QARS1: variants seen among roughly 807,000 people sequenced by gnomAD.
QARS1 encodes glutaminyl-tRNA synthetase 1.
A neutral mutation model predicts 106.9 loss-of-function variants in QARS1; 79 were observed. The ratio of observed to expected loss-of-function variants is 0.74; its 90% confidence interval spans 0.62 to 0.89. QARS1 has a LOEUF of 0.89. Ranked by LOEUF, QARS1 falls within the 40% of genes least tolerant of loss-of-function variation. The pLI, the probability that QARS1 is intolerant of heterozygous loss-of-function variation, is 0.00. For synonymous variants in QARS1, 395 were observed against 367.7 expected (o/e 1.07, Z -0.85); for missense variants, 966 against 997.2 (o/e 0.97, Z 0.42).
chr3:49,103,546 C>T (rs1230168458), intron 4 of QARS1, 85 bp downstream of exon 4: 18 of 1,562,366 alleles, frequency 1.2e-5, no homozygotes, highest in Non-Finnish European at 1.6e-5. Context: ...ACTCCTGTTC[C>T]TTCCCCCACC....
In QARS1 at chr3:49,099,451, G is replaced by A; in HGVS notation, c.1527-20C>T. ...CAGTCCCTGTGGATAAGAAGGTGGT[G>A]AGAAGGCCTTTGGGAGCATATGCCA... On this transcript the variant is annotated intron_variant, in intron 16 of 23. Transcript: ENST00000306125. The A allele has an allele frequency of 6.2e-7, 1 of 1,614,178 alleles. No homozygotes were observed.
rs1478157718 is a variant in QARS1 at position 49,104,334 on chromosome 3, G to A, written c.255C>T (p.Pro85=). Residue 85 remains proline (P), a synonymous_variant, in exon 2 of 24, where the codon CCC becomes CCT. Transcript: ENST00000306125. ...YIASKKIHTE[P]QLSAALEYVR... is the part of the protein sequence containing the mutation. ...AGGTAGGGGTCTCACCGCTTAGCTG[G>A]GGCTCAGTGTGGATCTTCTTACTGG... 4.3e-6 allele frequency: 7 copies of A among 1,614,056 alleles called. No homozygotes were observed. The highest frequency in any genetic ancestry group is 1.3e-5 in the African/African-American group (1 of 74,954).
rs769692069 is a variant in QARS1, at chr3:49,099,096, T to A, written c.1758+14A>T. On this transcript the variant is annotated intron_variant, in intron 18 of 23. Transcript: ENST00000306125. The stretch of plus-strand genomic sequence containing the variant: ...ACACACACACATGTGACACACATGT[T>A]GAGGCAGGCCCACCTTGGCAGCAGG... 3.1e-6 allele frequency: 5 copies of A among 1,614,022 alleles called. No homozygotes were observed. The highest frequency in any genetic ancestry group is 4.2e-6 in the Non-Finnish European group (5 of 1,180,014).
In QARS1 at chr3:49,099,641, A is replaced by G; in HGVS notation, c.1395T>C (p.Ser465=). 6.2e-7 allele frequency: 1 copy of G among 1,614,152 alleles called. No homozygotes were observed. Among genetic ancestry groups the G allele is most frequent in the South Asian group, 1.1e-5 (1 of 91,086 alleles). The change falls in exon 16 of 24, where the codon TCT becomes TCC. Residue 465 remains serine (S), a synonymous_variant. Transcript: ENST00000306125. ...GTGCATTGCAAAGCCAGAAGTAGGA[A>G]GAGCGTCTGGGGTGGGAGAGTAGGG... ...LCTKEFQARR[S]SYFWLCNALD...
chr3:49,101,875 G>A lies in QARS1; in HGVS notation c.656C>T (p.Ser219Phe). 1 of 1,612,372 alleles carries A rather than the reference G, an allele frequency of 6.2e-7. No homozygotes were observed. The highest frequency in any genetic ancestry group is 8.5e-7 in the Non-Finnish European group (1 of 1,179,112). Residue 219 changes from serine to phenylalanine, a missense_variant, in exon 8 of 24, where the codon TCT becomes TTT. By Grantham distance (155) the Ser-to-Phe change is radical. Transcript: ENST00000306125. ...CTCCCCCCGGAGCTGCTCCATCAGA[G>A]ACAGGGTCTGGTCAGCAGTCTCGCC... ...ENGETADQTL[S>F]LMEQLRGEAL...
At position 49,103,540 on chromosome 3, in the gene QARS1, C is replaced by T. The variant is rs1427892175; in HGVS notation, c.451+91G>A. On this transcript the variant is annotated intron_variant, in intron 4 of 23. Coordinates refer to ENST00000306125, the MANE Select transcript of QARS1 (RefSeq NM_005051.3). ...CCAGCCAGACCACTTTAAGTCACTC[C>T]TGTTCCTTCCCCCACCTCCTTCTCA... 3 of 1,560,764 alleles carry T rather than the reference C, an allele frequency of 1.9e-6. No homozygotes were observed. In the African/African-American group the frequency reaches 4.1e-5, roughly 21 times the overall value.
Position 49,099,524 on chromosome 3 carries a change from T to C in QARS1, c.1512A>G (p.Ala504=). 6.2e-7 allele frequency: 1 copy of C among 1,614,164 alleles called. No individual in the cohort carries two copies. The highest frequency in any genetic ancestry group is 8.5e-7 in the Non-Finnish European group (1 of 1,180,020). ...VSKRKILQLV[A]TGAVRDWDDP... is the part of the protein sequence containing the mutation. ...GCCGCACCTACCGCACAGCACCAGT[T>C]GCTACAAGCTGGAGGATCTTCCTCT... The change falls in exon 16 of 24, where the codon GCA becomes GCG. Residue 504 remains alanine (A), a synonymous_variant. Transcript: ENST00000306125.
chr3:49,103,035 G>A (rs555161394), intron 5 of QARS1, among the ~76,000 whole-genome samples: 1 of 151,850 alleles, frequency 6.6e-6, no homozygotes, highest in African/African-American at 2.4e-5. Context: ...AGAGCTTACT[G>A]CAGCCTTGAT....
Position 49,100,458 on chromosome 3 carries a change from C to T in QARS1, c.977G>A (p.Gly326Asp), listed in dbSNP as rs746002985. Residue 326 changes from glycine (G) to aspartate (D), a missense_variant and splice_region_variant, in exon 12 of 24, where the codon GGC becomes GAC. By Grantham distance (94) the Gly-to-Asp change is moderately conservative. Transcript: ENST00000306125. ...ATATGTGACTTTGTAAGGTGTGTAG[C>T]CTGGGGCAAAATGAAACAAAGTATG... ...TAICDMVAWL[G>D]YTPYKVTYAS... is the part of the protein sequence containing the mutation. The T allele has an allele frequency of 2.5e-6, 4 of 1,614,170 alleles. No individual in the cohort carries two copies. The Admixed American group carries it at 6.7e-5, about 27-fold the overall frequency.
At chr3:49,100,711 T>C in intron 10 of QARS1, 37 bp from the exon 11 acceptor site, 3 of 1,423,242 alleles carry the variant, frequency 2.1e-6, no homozygotes, top group African/African-American at 1.4e-5. Context: ...TCCCACATCA[T>C]CCATCAGCCC....
chr3:49,097,886 T>G (rs997419992), intron 23 of QARS1, 106 bp downstream of exon 23: 4 of 1,469,612 alleles, frequency 2.7e-6, no homozygotes, highest in Non-Finnish European at 3.7e-6. Context: ...ACCAACTCCC[T>G]CAGGTGGTGA....
chr3:49,102,741 A>C, intron 5 of QARS1: 2 of 529,956 alleles, frequency 3.8e-6, no homozygotes, highest in Non-Finnish European at 7.2e-6. Context: ...TCCTGGATTC[A>C]AGCGATTTTC....
intron 11 of QARS1, 55 bp from the exon 12 acceptor site, chr3:49,100,513 G>C (rs2042455954): frequency 6.2e-7 from 1 of 1,602,018 alleles, no homozygotes; most frequent in South Asian, 1.1e-5. Context: ...CCAGTGGGCA[G>C]GCCATGGCCC....
rs1038392404 is a variant in QARS1, at chr3:49,101,275, A to G, written c.876+80T>C. 2.7e-5 allele frequency: 31 copies of G among 1,132,032 alleles called. No homozygotes were observed. The Admixed American group carries it at 2.8e-4, about 10-fold the overall frequency. 70.1% of individuals were successfully genotyped at this position (1,132,032 alleles called of 1,614,324 possible). ...CCTGGGTACATTATTGGGAGCAGAC[A>G]GCAAGGCAGGGATATGGTATCCACT... is the stretch of plus-strand genomic sequence containing the variant. On this transcript the variant is annotated intron_variant, in intron 10 of 23. Coordinates refer to ENST00000306125, the MANE Select transcript of QARS1 (RefSeq NM_005051.3).
In QARS1 at chr3:49,103,723, C is replaced by A. The variant is rs745755729; in HGVS notation, c.376-17G>T. ...AGCCTCCACCTGCAGAAAGCCAAAC[C>A]ATGTGGTTCAGGAAAGCCACCTTTA... On this transcript the variant is annotated splice_polypyrimidine_tract_variant and intron_variant, in intron 3 of 23. Transcript: ENST00000306125. 6.2e-7 allele frequency: 1 copy of A among 1,612,854 alleles called. No individual in the cohort carries two copies. Among genetic ancestry groups the A allele is most frequent in the South Asian group, 1.1e-5 (1 of 90,900 alleles).
Position 49,098,445 on chromosome 3 carries a change from G to C in QARS1, c.1992C>G (p.Thr664=). The C allele has an allele frequency of 6.2e-7, 1 of 1,614,158 alleles. No individual in the cohort carries two copies. Among genetic ancestry groups the C allele is most frequent in the Non-Finnish European group, 8.5e-7 (1 of 1,180,022 alleles). Residue 664 remains threonine (T), a synonymous_variant, in exon 21 of 24, where the codon ACC becomes ACG. Transcript: ENST00000306125. Reference sequence around the variant, plus strand: ...TCTCTCCAGCATCTGCCCGTCTGCAGGTCACCTCCAGACTCTCTACACAAC... The same window carrying C: ...TCTCTCCAGCATCTGCCCGTCTGCACGTCACCTCCAGACTCTCTACACAAC... ...PSGCVESLEV[T]CRRADAGEKP...
intron 23 of QARS1, 88 bp downstream of exon 23, chr3:49,097,904 C>T: frequency 6.5e-7 from 1 of 1,549,538 alleles, no homozygotes; most frequent in African/African-American, 1.4e-5. Context: ...TGAGGATTAA[C>T]TAAGGGAATG....
intron 23 of QARS1, 49 bp downstream of exon 23, chr3:49,097,943 C>G (rs2042412248): frequency 6.2e-7 from 1 of 1,610,702 alleles, no homozygotes; most frequent in Non-Finnish European, 8.5e-7. Flanking sequence ...CAATGAACGG[C>G]AGCCACTGTC....
At chr3:49,099,470 T>C (rs775645786) in intron 16 of QARS1, 39 bp from the exon 17 acceptor site, 1 of 1,614,030 alleles carries the variant, frequency 6.2e-7, no homozygotes, top group Non-Finnish European at 8.5e-7. Flanking sequence ...TTTGGGAGCA[T>C]ATGCCATTAA....
Sources: gnomAD v4.1 joint callset for allele counts (sites outside exome capture counted in the v4.1 genomes callset) on GRCh38, gnomAD v4.1.1 for gene constraint, MANE v1.5 for transcripts, NCBI Gene and HGNC (gene_info 2026-07-23, HGNC 2026-07-21) for gene names.